The following XPO4 variants were observed in gnomAD, a reference collection of about 807,000 sequenced individuals.
XPO4 encodes exportin-4.
A neutral mutation model predicts 143.0 loss-of-function variants in XPO4; 39 were observed. The ratio of observed to expected loss-of-function variants is 0.27; its 90% confidence interval spans 0.21 to 0.36. The LOEUF is 0.36. Ranked by LOEUF, XPO4 falls within the 10% of genes least tolerant of loss-of-function variation. The pLI, the probability that XPO4 is intolerant of heterozygous loss-of-function variation, is 1.00. For missense variants in XPO4, 907 were observed against 1,348.0 expected (o/e 0.67, Z 5.12); for synonymous variants, 439 against 474.0 (o/e 0.93, Z 0.96).
At chr13:20,879,759 T>C (rs1175398602) in intron 1 of XPO4, among the ~76,000 whole-genome samples, 1 of 152,078 alleles carries the variant, frequency 6.6e-6, no homozygotes, top group Non-Finnish European at 1.5e-5. Flanking sequence ...AATGACATTA[T>C]CAAAAGAATG....
At chr13:20,865,992 T>C (rs1335889475) in intron 2 of XPO4, 1 of 973,040 alleles carries the variant, frequency 1.0e-6, no homozygotes, top group African/African-American at 1.8e-5. Context: ...AGATCAGAAG[T>C]GAAAGAAATC....
intron 6 of XPO4, among the ~76,000 whole-genome samples, chr13:20,841,125 G>C (rs2059969198): frequency 6.6e-6 from 1 of 152,112 alleles, no homozygotes; most frequent in Non-Finnish European, 1.5e-5. Context: ...TATATGCAGT[G>C]TAACTTTTGT....
chr13:20,783,576 C>T lies in XPO4; in HGVS notation c.*146G>A. 1.3e-6 allele frequency: 1 copy of T among 752,666 alleles called. No homozygotes were observed. The highest frequency in any genetic ancestry group is 1.8e-5 in the South Asian group (1 of 56,470). 46.6% of individuals were successfully genotyped at this position (752,666 alleles called of 1,614,324 possible). A position where few individuals can be genotyped will look rare whatever the true frequency, so the allele number is the denominator to read the frequency against. ...TGCCAAGTTGACCTCTCCTGTTTCA[C>T]TGTATTACATACATATCAAAGTTTC... is the stretch of plus-strand genomic sequence containing the variant. On this transcript the variant is annotated 3_prime_UTR_variant, in exon 23 of 23. Transcript: ENST00000255305.
chr13:20,874,842 A>G (rs990307462), intron 1 of XPO4, among the ~76,000 whole-genome samples: 1 of 152,098 alleles, frequency 6.6e-6, no homozygotes, highest in Non-Finnish European at 1.5e-5. Flanking sequence ...AAAATACAAA[A>G]ATTAGCCGGG....
intron 7 of XPO4, among the ~76,000 whole-genome samples, chr13:20,826,529 G>A (rs2059788210): frequency 1.3e-5 from 2 of 152,292 alleles, no homozygotes; most frequent in South Asian, 4.1e-4. Flanking sequence ...CACACGATGT[G>A]CGATACTGCA....
At chr13:20,834,740 C>G (rs372560417) in intron 6 of XPO4, among the ~76,000 whole-genome samples, 7 of 151,608 alleles carry the variant, frequency 4.6e-5, no homozygotes, top group African/African-American at 7.3e-5. Flanking sequence ...GGGAGGATCA[C>G]TTGAGCCCAG....
At chr13:20,880,388 C>T (rs1441066128) in intron 1 of XPO4, among the ~76,000 whole-genome samples, 1 of 151,558 alleles carries the variant, frequency 6.6e-6, no homozygotes, top group Non-Finnish European at 1.5e-5. Flanking sequence ...GCCTAGATCG[C>T]GCCATTGCAC....
intron 21 of XPO4, 81 bp downstream of exon 21, chr13:20,787,400 C>T: frequency 7.6e-7 from 1 of 1,322,932 alleles, no homozygotes; most frequent in East Asian, 2.3e-5. Flanking sequence ...GAAGCATTTC[C>T]TCATTTGAAT....
Position 20,866,298 on chromosome 13 carries a change from A to G in XPO4, c.175+2298T>C. 3 of 984,948 alleles carry G rather than the reference A, an allele frequency of 3.0e-6. No homozygotes were observed. The South Asian group carries it at 1.4e-4, about 46-fold the overall frequency. The allele number at this position is 984,948 out of a possible 1,614,324, so 61.0% of individuals were successfully genotyped here. On this transcript the variant is annotated intron_variant, in intron 2 of 22. Transcript: ENST00000255305. Reference sequence around the variant, plus strand: ...TAAAAACTAGAATGAAAACAAAAGGATAAGAAGAGAAAGAAATGAGGAAAA... The same window carrying G: ...TAAAAACTAGAATGAAAACAAAAGGGTAAGAAGAGAAAGAAATGAGGAAAA...
chr13:20,811,562 A>T (rs559016310), intron 9 of XPO4, among the ~76,000 whole-genome samples: 21 of 152,256 alleles, frequency 1.4e-4, no homozygotes, highest in African/African-American at 4.8e-4. Context: ...TGCTGGGATT[A>T]CAGGTGTAAC....
chr13:20,851,536 C>T (rs999532910), intron 4 of XPO4: 1 of 672,438 alleles, frequency 1.5e-6, no homozygotes, highest in Non-Finnish European at 1.8e-6. Flanking sequence ...TAGCAAAACC[C>T]TGTCTCTACA....
Position 20,783,284 on chromosome 13 carries a change from A to G in XPO4, c.*438T>C, listed in dbSNP as rs778868671. The G allele has an allele frequency of 2.3e-5, 4 of 175,990 alleles. No individual in the cohort carries two copies. Among genetic ancestry groups the G allele is most frequent in the Non-Finnish European group, 4.8e-5 (4 of 82,720 alleles). The allele number at this position is 175,990 out of a possible 1,614,324, so 10.9% of individuals were successfully genotyped here. On this transcript the variant is annotated 3_prime_UTR_variant, in exon 23 of 23. Transcript: ENST00000255305. The stretch of plus-strand genomic sequence containing the variant: ...GTTGGGCCTAAGAATCTGCCTTTTC[A>G]CCAGCTCCTCAAGTGATGCAGGCGA...
intron 1 of XPO4, chr13:20,902,029 G>C: frequency 1.0e-6 from 1 of 954,172 alleles, no homozygotes; most frequent in Non-Finnish European, 1.2e-6. Context: ...TCAAAGAGTA[G>C]CATAGACTCA....
In XPO4 at chr13:20,800,282, C is replaced by G; in HGVS notation, c.2021G>C (p.Gly674Ala). 6.2e-7 allele frequency: 1 copy of G among 1,614,082 alleles called. No individual in the cohort carries two copies. Among genetic ancestry groups the G allele is most frequent in the Non-Finnish European group, 8.5e-7 (1 of 1,179,990 alleles). ...GAGGTAGCCAATTATCCACTGAGAACCCTCTGTATCTGCTCCGAACGCTGT... is the reference window on the plus strand; with the variant it reads ...GAGGTAGCCAATTATCCACTGAGAAGCCTCTGTATCTGCTCCGAACGCTGT... ...FSTAFGADTE[G>A]SQWIIGYLLQ... The change falls in exon 15 of 23, where the codon GGT becomes GCT. Residue 674 changes from glycine to alanine, a missense_variant. Transcript: ENST00000255305.
At chr13:20,846,292 T>A (rs1424352616) in intron 4 of XPO4, among the ~76,000 whole-genome samples, 1 of 152,176 alleles carries the variant, frequency 6.6e-6, no homozygotes. Flanking sequence ...CTTTTTCACA[T>A]GAAACAAACA....
At position 20,796,165 on chromosome 13, in the gene XPO4, G is replaced by A; in HGVS notation, c.2708C>T (p.Ala903Val). The A allele has an allele frequency of 1.2e-6, 2 of 1,613,536 alleles. No individual in the cohort carries two copies. The highest frequency in any genetic ancestry group is 2.2e-5 in the South Asian group (2 of 91,052). ...NLGRQRIDVTAEEEQYQDLLL... is the reference protein window; with the variant it reads ...NLGRQRIDVTVEEEQYQDLLL... ...CAGGTCTTGGTATTGCTCTTCTTCT[G>A]CTGTAACATCTATTCTTTGCCGCCC... Residue 903 changes from alanine (A) to valine (V), a missense_variant, in exon 18 of 23, where the codon GCA (alanine) becomes GTA (valine). Physicochemically the swap from Ala to Val is moderately conservative, Grantham distance 64. Transcript: ENST00000255305.
intron 3 of XPO4, among the ~76,000 whole-genome samples, chr13:20,858,879 A>G (rs948186550): frequency 6.8e-6 from 1 of 147,018 alleles, no homozygotes; most frequent in Non-Finnish European, 1.5e-5. Flanking sequence ...TCAAGAAAAA[A>G]CAAAAAAAGA....
chr13:20,832,990 C>A (rs555116213), intron 6 of XPO4, among the ~76,000 whole-genome samples: 20 of 151,950 alleles, frequency 1.3e-4, no homozygotes, highest in African/African-American at 4.8e-4. Flanking sequence ...TGTAACCAAA[C>A]TAAAAAAAGA....
At chr13:20,898,435 G>A (rs73437501) in intron 1 of XPO4, among the ~76,000 whole-genome samples, 5,785 of 152,142 alleles carry the variant, frequency 0.038, 375 homozygotes, top group African/African-American at 0.13. Flanking sequence ...CGTGGTGCCA[G>A]GTACCTGCAG....
Sources: gnomAD v4.1 joint callset for allele counts (sites outside exome capture counted in the v4.1 genomes callset) on GRCh38, gnomAD v4.1.1 for gene constraint, MANE v1.5 for transcripts, NCBI Gene and HGNC (gene_info 2026-07-23, HGNC 2026-07-21) for gene names.